The following ARAP2 variants were observed in gnomAD, a reference collection of about 807,000 sequenced individuals.
ARAP2 encodes the protein arf-GAP with Rho-GAP domain, ANK repeat and PH domain-containing protein 2.
ARAP2 carries 148 observed loss-of-function variants against 194.5 expected under a neutral mutation model. The observed-to-expected ratio is 0.76, with a 90% CI of 0.67 to 0.87. The LOEUF is 0.87. Among genes scored for constraint, ARAP2 ranks in the 40% least tolerant of loss-of-function variants. The pLI, the probability that ARAP2 is intolerant of heterozygous loss-of-function variation, is 0.00. For missense variants in ARAP2, 2,128 were observed against 1,989.7 expected (o/e 1.07, Z -1.32); for synonymous variants, 695 against 683.5 (o/e 1.02, Z -0.26).
chr4:36,072,825 C>A (rs1033177617), intron 32 of ARAP2, among the ~76,000 whole-genome samples: 1 of 152,024 alleles, frequency 6.6e-6, no homozygotes, highest in Non-Finnish European at 1.5e-5. Context: ...AAGCTTTTCT[C>A]TTTTAGAGAA....
At chr4:36,099,090 C>G (rs953501445) in intron 27 of ARAP2, among the ~76,000 whole-genome samples, 3 of 151,746 alleles carry the variant, frequency 2.0e-5, no homozygotes, top group African/African-American at 7.3e-5. Context: ...GTGTTGTTCC[C>G]CCACCCCATG....
At chr4:36,217,385 C>T (rs1748171201) in intron 2 of ARAP2, among the ~76,000 whole-genome samples, 2 of 152,022 alleles carry the variant, frequency 1.3e-5, no homozygotes, top group Non-Finnish European at 2.9e-5. Flanking sequence ...GGTGGCGGCA[C>T]GCCAGGCACC....
chr4:36,054,594 G>A (rs1460268826), intron 2 of ARAP2, among the ~76,000 whole-genome samples: 1 of 152,106 alleles, frequency 6.6e-6, no homozygotes, highest in Non-Finnish European at 1.5e-5. Flanking sequence ...AGTATAAAAT[G>A]ATGTCTATAT....
At chr4:36,238,516 C>T (rs1371574656) in intron 1 of ARAP2, among the ~76,000 whole-genome samples, 1 of 152,176 alleles carries the variant, frequency 6.6e-6, no homozygotes, top group African/African-American at 2.4e-5. Context: ...AAAGAGGTAG[C>T]AAAGACTTAA....
At position 36,147,296 on chromosome 4, in the gene ARAP2, C is replaced by T. The variant is rs910797851; in HGVS notation, c.3263G>A (p.Arg1088Lys). 6.2e-7 allele frequency: 1 copy of T among 1,612,430 alleles called. No individual in the cohort carries two copies. The highest frequency in any genetic ancestry group is 2.2e-5 in the East Asian group (1 of 44,806). Residue 1088 changes from arginine (R) to lysine (K), a missense_variant and splice_region_variant, in exon 19 of 33, where the codon AGA (arginine) becomes AAA (lysine). Coordinates refer to ENST00000303965, the MANE Select transcript of ARAP2 (RefSeq NM_015230.4). ...LDVLLLVEKGRTLYIHGHTKL... is the reference protein window; with the variant it reads ...LDVLLLVEKGKTLYIHGHTKL... ...GAATAAAAAGCAAAAAGGCACTTAC[C>T]TCCCTTTTTCTACCAAGAGTAAAAC...
At chr4:36,008,100 C>T (rs1055356992) in intron 9 of ARAP2, among the ~76,000 whole-genome samples, 3 of 152,146 alleles carry the variant, frequency 2.0e-5, no homozygotes, top group East Asian at 1.9e-4. Flanking sequence ...ATCAACATCA[C>T]TAAAATACCC....
intron 9 of ARAP2, among the ~76,000 whole-genome samples, chr4:36,172,996 G>C (rs981620487): frequency 1.3e-5 from 2 of 152,086 alleles, no homozygotes; most frequent in African/African-American, 4.8e-5. Context: ...GGAACATTAT[G>C]TTGGGGGGGA....
chr4:36,160,457 A>T lies in ARAP2; in HGVS notation c.2442+2T>A, dbSNP rs767951728. On this transcript the variant is annotated splice_donor_variant, in intron 13 of 32. Coordinates refer to ENST00000303965, the MANE Select transcript of ARAP2 (RefSeq NM_015230.4). LOFTEE classifies it high-confidence loss of function. The stretch of plus-strand genomic sequence containing the variant: ...CGTCTGCTGTTATGTTTAATTGAAT[A>T]CCTTATTTAATTCTTCTTTGGTGAG... 1 of 1,542,042 alleles carries T rather than the reference A, an allele frequency of 6.5e-7. No individual in the cohort carries two copies. Among genetic ancestry groups the T allele is most frequent in the Non-Finnish European group, 8.7e-7 (1 of 1,150,342 alleles).
At chr4:36,187,853 C>T (rs550555224) in intron 7 of ARAP2, among the ~76,000 whole-genome samples, 4 of 152,298 alleles carry the variant, frequency 2.6e-5, no homozygotes, top group African/African-American at 7.2e-5. Flanking sequence ...ACTAGCAATA[C>T]AGAGTTCCAA....
rs528794620 is a variant in ARAP2 at position 36,020,832 on chromosome 4, A to G, written n.608-1546T>C. ...GCATGAAGATCAATAAGTGGCTGTG[A>G]CATTCAAGTTAGATATAATGGTGAC... On this transcript the variant is annotated intron_variant and non_coding_transcript_variant, in intron 5 of 12. Transcript: ENST00000503225. Among the ~76,000 whole-genome samples the G allele has an allele frequency of 4.6e-5, 7 of 152,340 alleles. No individual in the cohort carries two copies. The East Asian group carries it at 1.3e-3, about 29-fold the overall frequency.
intron 3 of ARAP2, among the ~76,000 whole-genome samples, chr4:36,050,432 A>T (rs1722474769): frequency 6.6e-6 from 1 of 152,156 alleles, no homozygotes; most frequent in African/African-American, 2.4e-5. Context: ...AAGCACAAAA[A>T]CCTAGAAAAA....
chr4:36,048,448 A>C (rs1166745541), intron 3 of ARAP2, among the ~76,000 whole-genome samples: 5 of 152,128 alleles, frequency 3.3e-5, no homozygotes, highest in African/African-American at 1.2e-4. Flanking sequence ...TCCCACTTAT[A>C]AGTGAGAACA....
At chr4:36,224,764 CT>C (rs984320190) in intron 2 of ARAP2, among the ~76,000 whole-genome samples, 2 of 151,752 alleles carry the variant, frequency 1.3e-5, no homozygotes, top group African/African-American at 2.4e-5. Context: ...AATAATTAGC[CT>C]TTTTTCATAG....
At chr4:36,116,517 A>G (rs1274553341) in intron 25 of ARAP2, among the ~76,000 whole-genome samples, 2 of 151,938 alleles carry the variant, frequency 1.3e-5, no homozygotes, top group Non-Finnish European at 2.9e-5. Context: ...AGTTATCCAA[A>G]TAAATATCCC....
intron 26 of ARAP2, among the ~76,000 whole-genome samples, chr4:36,112,419 T>C (rs1289157277): frequency 2.6e-5 from 4 of 151,900 alleles, no homozygotes; most frequent in African/African-American, 4.8e-5. Context: ...AGGATAAATA[T>C]GCAATGAGGA....
At chr4:36,073,613 T>C in intron 32 of ARAP2, 76 bp downstream of exon 32, 1 of 1,499,732 alleles carries the variant, frequency 6.7e-7, no homozygotes, top group South Asian at 1.3e-5. Context: ...ATGAAGTAAT[T>C]AATGACCTAA....
chr4:36,160,086 C>T (rs1733563098), intron 13 of ARAP2: 12 of 990,804 alleles, frequency 1.2e-5, no homozygotes, highest in Non-Finnish European at 1.4e-5. Flanking sequence ...ACAATAGGAA[C>T]TGTTAGAATC....
intron 28 of ARAP2, among the ~76,000 whole-genome samples, chr4:36,087,812 T>A (rs1712309810): frequency 6.6e-6 from 1 of 152,134 alleles, no homozygotes; most frequent in African/African-American, 2.4e-5. Context: ...AATACAAATG[T>A]TAAATTTCCT....
rs923572027 is a variant in ARAP2, at chr4:36,078,032, C to T, written c.4608+2184G>A. 4.5e-4 allele frequency among the ~76,000 whole-genome samples: 69 copies of T among 152,200 alleles called. 1 individual carries two copies. The highest frequency in any genetic ancestry group is 1.6e-3 in the African/African-American group (66 of 41,546). Reference sequence around the variant, plus strand: ...GTCAGTCACATGCTCTCCTTACCTGCCATATTTTATGATTCTCCTATTTTA... The same window carrying T: ...GTCAGTCACATGCTCTCCTTACCTGTCATATTTTATGATTCTCCTATTTTA... On this transcript the variant is annotated intron_variant, in intron 31 of 32. Transcript: ENST00000303965.
Sources: gnomAD v4.1 joint callset for allele counts (sites outside exome capture counted in the v4.1 genomes callset) on GRCh38, gnomAD v4.1.1 for gene constraint, MANE v1.5 for transcripts, NCBI Gene and HGNC (gene_info 2026-07-23, HGNC 2026-07-21) for gene names.